CLEC18A: variants seen among roughly 807,000 people sequenced by gnomAD.
CLEC18A encodes mannose receptor-like 1.
In CLEC18A, 5 loss-of-function variants were observed where a neutral mutation model predicts 24.0. The ratio of observed to expected loss-of-function variants is 0.21; its 90% CI spans 0.11 to 0.44. The LOEUF is 0.44. Ranked by LOEUF, CLEC18A falls within the 20% of genes least tolerant of loss-of-function variation. The probability of loss-of-function intolerance (pLI) is 0.99; values close to 1 mark genes in which losing one functional copy is unlikely to be tolerated. For synonymous variants in CLEC18A, 29 were observed against 100.1 expected, an observed-to-expected ratio of 0.29 and a Z score of 4.24; for missense variants, 83 against 233.4, an observed-to-expected ratio of 0.36 and a Z score of 4.20.
intron 3 of CLEC18A, among the ~76,000 whole-genome samples, chr16:69,957,030 T>G (rs2059046687): frequency 1.3e-5 from 2 of 151,678 alleles, no homozygotes; most frequent in African/African-American, 4.8e-5. Flanking sequence ...ATTTTCTTGA[T>G]GTGAATGTTT....
upstream of CLEC18A, among the ~76,000 whole-genome samples, chr16:69,947,326 A>C (rs548241888): frequency 7.4e-6 from 1 of 134,682 alleles, no homozygotes; most frequent in East Asian, 2.5e-4. Context: ...GACCCACCCC[A>C]GTGACCTCAT....
downstream of CLEC18A, among the ~76,000 whole-genome samples, chr16:69,965,119 C>G: frequency 6.6e-6 from 1 of 151,616 alleles, no homozygotes; most frequent in Non-Finnish European, 1.5e-5. Flanking sequence ...CCCTCTCCCA[C>G]TGCTTCCCAT....
At chr16:69,943,520 C>G in the CLEC18A span, among the ~76,000 whole-genome samples, 3 of 152,220 alleles carry the variant, frequency 2.0e-5, no homozygotes, top group Non-Finnish European at 2.9e-5. Flanking sequence ...CTCCTCTTAA[C>G]TACCTCCTTA....
intron 3 of CLEC18A, among the ~76,000 whole-genome samples, chr16:69,957,369 G>A (rs1210995522): frequency 1.6e-5 from 1 of 64,286 alleles, no homozygotes; most frequent in African/African-American, 1.0e-4. Flanking sequence ...TGCCATGTTG[G>A]CCAGGCTGAT....
chr16:69,944,699 G>A, the CLEC18A span, among the ~76,000 whole-genome samples: 5 of 147,494 alleles, frequency 3.4e-5, no homozygotes, highest in African/African-American at 7.7e-5. Flanking sequence ...AGCCGGGTGT[G>A]GTGGTGGGTG....
At chr16:69,944,567 C>T in the CLEC18A span, among the ~76,000 whole-genome samples, 2 of 151,568 alleles carry the variant, frequency 1.3e-5, no homozygotes, top group Non-Finnish European at 2.9e-5. Context: ...GGGCCAGGCA[C>T]GGTGGCTCAT....
intron 3 of CLEC18A, among the ~76,000 whole-genome samples, chr16:69,955,229 C>T (rs1444601885): frequency 6.6e-6 from 1 of 151,980 alleles, no homozygotes; most frequent in African/African-American, 2.4e-5. Context: ...TCTCGAACTC[C>T]TGACCTCAAA....
intron 3 of CLEC18A, among the ~76,000 whole-genome samples, chr16:69,958,604 G>GGCATGGTGGCAGTT (rs1169464388): frequency 1.2e-4 from 1 of 8,024 alleles, no homozygotes; most frequent in Non-Finnish European, 1.6e-4. Context: ...AAATTAACCG[G>GGCATGGTGGCAGTT]GCCTGTAATC....
chr16:69,948,957 A>G (rs1307643599), upstream of CLEC18A, among the ~76,000 whole-genome samples: 2 of 6,750 alleles, frequency 3.0e-4, no homozygotes, highest in Non-Finnish European at 4.3e-4. Context: ...TTTTTTTTTG[A>G]GGGGTCGGGG....
At chr16:69,948,541 G>C (rs572771093), upstream of CLEC18A, among the ~76,000 whole-genome samples, 119 of 152,052 alleles carry the variant, frequency 7.8e-4, no homozygotes, top group African/African-American at 2.7e-3. Flanking sequence ...AGAGGGGTGG[G>C]ATAGATAGAG....
In CLEC18A at chr16:69,954,515, G is replaced by A. The variant is rs533136482; in HGVS notation, c.398G>A (p.Arg133Gln). ...AGCCTATGGTTTGCAGAGGGGCAGC[G>A]GTACAGCCACGCGGCAGGAGAGTGT... ...VVSLWFAEGQ[R>Q]YSHAAGECAR... The change falls in exon 3 of 12, where the codon CGG becomes CAG. Residue 133 changes from arginine to glutamine, a missense_variant. Around this residue, in one of 3 missense-constraint regions of CLEC18A, gnomAD observed 71 missense variants for 107.4 expected, o/e 0.66. Coordinates refer to ENST00000288040, the MANE Select transcript of CLEC18A (RefSeq NM_001370523.4). 47 of 1,612,782 alleles carry A rather than the reference G, an allele frequency of 2.9e-5. No homozygotes were observed. The African/African-American group carries it at 3.6e-4, about 12-fold the overall frequency.
chr16:69,946,631 T>TGA (rs1391136653), upstream of CLEC18A, among the ~76,000 whole-genome samples: 16 of 148,898 alleles, frequency 1.1e-4, no homozygotes, highest in Non-Finnish European at 2.1e-4. Flanking sequence ...CTTGAACTCC[T>TGA]GACCTCAAGC....
chr16:69,955,750 C>G (rs1323842705), intron 3 of CLEC18A, among the ~76,000 whole-genome samples: 1 of 112,722 alleles, frequency 8.9e-6, no homozygotes, highest in African/African-American at 5.8e-5. Context: ...CCCGCTGTCC[C>G]TCCCTGGAGG....
At chr16:69,965,545 C>A (rs1458949412), downstream of CLEC18A, among the ~76,000 whole-genome samples, 2 of 150,460 alleles carry the variant, frequency 1.3e-5, no homozygotes, top group African/African-American at 2.5e-5. Flanking sequence ...ACCTTCCCAC[C>A]CCGCCCCACG....
chr16:69,957,230 T>G (rs1445458774), intron 3 of CLEC18A, among the ~76,000 whole-genome samples: 1 of 149,482 alleles, frequency 6.7e-6, no homozygotes, highest in East Asian at 2.0e-4. Flanking sequence ...TGGTGCAATC[T>G]CAGCTCACTG....
chr16:69,949,008 G>A (rs2549591), upstream of CLEC18A, among the ~76,000 whole-genome samples: 1 of 61,300 alleles, frequency 1.6e-5, no homozygotes, highest in African/African-American at 1.1e-4. Context: ...ATGGAGTGCA[G>A]TGGTGCCATC....
chr16:69,955,699 T>A (rs2059024984), intron 3 of CLEC18A, among the ~76,000 whole-genome samples: 1 of 139,720 alleles, frequency 7.2e-6, no homozygotes, highest in South Asian at 2.4e-4. Context: ...TACCTAGGTT[T>A]AGAAGATGCT....
chr16:69,945,191 G>A, the CLEC18A span, among the ~76,000 whole-genome samples: 4 of 147,906 alleles, frequency 2.7e-5, no homozygotes, highest in Non-Finnish European at 5.9e-5. Context: ...TCAGGAGGCT[G>A]AGGCATGAGG....
rs546540938 is a variant in CLEC18A at position 69,955,498 on chromosome 16, G to A, written c.456+925G>A. The stretch of plus-strand genomic sequence containing the variant: ...CCCAAGTAGCTGGGACTACAGGCAC[G>A]AGCCACCACACCCCACTAATTTTTG... On this transcript the variant is annotated intron_variant, in intron 3 of 11. Coordinates refer to ENST00000288040, the MANE Select transcript of CLEC18A (RefSeq NM_001370523.4). Among the ~76,000 whole-genome samples, 90 of 151,230 alleles carry A rather than the reference G, an allele frequency of 6.0e-4. 2 individuals are homozygous for A. In the South Asian group the frequency reaches 8.4e-3, roughly 14 times the overall value.
Sources: gnomAD v4.1 joint callset for allele counts (sites outside exome capture counted in the v4.1 genomes callset) on GRCh38, gnomAD v4.1.1 for gene constraint, gnomAD v4.1.1 regional missense constraint, MANE v1.5 for transcripts, NCBI Gene and HGNC (gene_info 2026-07-23, HGNC 2026-07-21) for gene names.